The following HECTD4 variants were observed in gnomAD, a reference collection of about 807,000 sequenced individuals.
HECTD4 encodes probable E3 ubiquitin-protein ligase HECTD4.
HECTD4 carries 114 observed loss-of-function variants against 471.5 expected under a neutral mutation model. The observed-to-expected ratio is 0.24, with a 90% CI of 0.21 to 0.28. The LOEUF (loss-of-function observed/expected upper bound fraction) is 0.28, where lower values mean the gene tolerates loss of function less well. Among genes scored for constraint, HECTD4 ranks in the 10% least tolerant of loss-of-function variants. HECTD4 has a pLI of 1.00. For synonymous variants in HECTD4, 2,012 were observed against 2,256.0 expected (o/e 0.89, Z 3.07); for missense variants, 3,866 against 5,651.5 (o/e 0.68, Z 10.13).
chr12:112,366,565 C>A (rs923647511), intron 1 of HECTD4, among the ~76,000 whole-genome samples: 1 of 150,590 alleles, frequency 6.6e-6, no homozygotes, highest in Non-Finnish European at 1.5e-5. Context: ...TGTTGCTGGG[C>A]GCAACATTCT....
At chr12:112,252,678 CCT>C in intron 22 of HECTD4, 150 bp from the exon 23 acceptor site, 1 of 918,422 alleles carries the variant, frequency 1.1e-6, no homozygotes, top group South Asian at 1.7e-5. Flanking sequence ...AATTCTATTC[CCT>C]CTCATTTAGA....
chr12:112,356,145 G>C (rs759101516), intron 1 of HECTD4, among the ~76,000 whole-genome samples: 3 of 152,020 alleles, frequency 2.0e-5, no homozygotes, highest in Non-Finnish European at 2.9e-5. Flanking sequence ...GAAGCTAATA[G>C]CCTTTGAAGG....
At chr12:112,291,235 T>A (rs1327808861) in intron 7 of HECTD4, among the ~76,000 whole-genome samples, 2 of 152,144 alleles carry the variant, frequency 1.3e-5, no homozygotes, top group Non-Finnish European at 2.9e-5. Flanking sequence ...TTACTATCAC[T>A]CTAGATACAA....
In HECTD4 at chr12:112,217,177, T is replaced by C; in HGVS notation, c.7093A>G (p.Ser2365Gly). The stretch of plus-strand genomic sequence containing the variant: ...ACAGGCGGAAACACTCGCGAGGGGC[T>C]CCAAGTAATCTCTTTGGGCTGCATC... The part of the protein sequence containing the change: ...DRRQPKEITW[S>G]PSRVFPPVRA... Residue 2365 changes from serine (S) to glycine (G), a missense_variant, in exon 46 of 76, where the codon AGC becomes GGC. Transcript: ENST00000682272. The C allele has an allele frequency of 6.6e-7, 1 of 1,521,634 alleles. No individual in the cohort carries two copies. Among genetic ancestry groups the C allele is most frequent in the Non-Finnish European group, 8.8e-7 (1 of 1,134,928 alleles). The allele number at this position is 1,521,634 out of a possible 1,614,324, so 94.3% of individuals were successfully genotyped here.
chr12:112,194,304 C>T lies in HECTD4; in HGVS notation c.8749+581G>A, dbSNP rs536481675. ...AGCTTTGAGGGGTGTCCCCTGCCTG[C>T]CTCACTTCTTGTTCCCATCTTAGTT... On this transcript the variant is annotated intron_variant, in intron 56 of 75. Transcript: ENST00000682272. The surrounding 1 kb of genome is among the most constrained non-coding windows in gnomAD (Gnocchi z 4.6). Among the ~76,000 whole-genome samples the T allele has an allele frequency of 6.6e-6, 1 of 152,326 alleles. No individual in the cohort carries two copies. Among genetic ancestry groups the T allele is most frequent in the East Asian group, 1.9e-4 (1 of 5,184 alleles).
At position 112,212,599 on chromosome 12, in the gene HECTD4, G is replaced by A; in HGVS notation, c.7517C>T (p.Pro2506Leu). 3 of 1,613,788 alleles carry A rather than the reference G, an allele frequency of 1.9e-6. No individual in the cohort carries two copies. Among genetic ancestry groups the A allele is most frequent in the African/African-American group, 1.3e-5 (1 of 75,030 alleles). Residue 2506 changes from proline to leucine, a missense_variant, in exon 49 of 76, where the codon CCG becomes CTG. Around this residue, in one of 16 missense-constraint regions of HECTD4, gnomAD observed 617 missense variants for 915.1 expected, o/e 0.67. Coordinates refer to ENST00000682272, the MANE Select transcript of HECTD4 (RefSeq NM_001388303.1). ...CACCCGGCCCTTGGCTGGCTGTCCC[G>A]GAGGAGGTGGAGTCCCCTCAGTTCT... ...WERTEGTPPP[P>L]GQPAKGRVYF...
At chr12:112,270,562 A>G (rs1451942691) in intron 11 of HECTD4, 103 bp from the exon 12 acceptor site, 17 of 938,662 alleles carry the variant, frequency 1.8e-5, no homozygotes, top group Non-Finnish European at 2.5e-5. Context: ...CTAGAAAAGG[A>G]TATTTTGGCT....
At chr12:112,287,639 T>C (rs561250838) in intron 7 of HECTD4, among the ~76,000 whole-genome samples, 6 of 152,146 alleles carry the variant, frequency 3.9e-5, no homozygotes, top group East Asian at 1.9e-4. Context: ...AAAAGAGTTA[T>C]AGGCTGGGTG....
At chr12:112,261,189 C>T in intron 18 of HECTD4, 116 bp downstream of exon 18, 1 of 1,169,810 alleles carries the variant, frequency 8.5e-7, no homozygotes, top group Non-Finnish European at 1.1e-6. Flanking sequence ...AGCCTATTCT[C>T]ACAAAAATCT....
chr12:112,250,929 C>A (rs753911220), intron 24 of HECTD4, 42 bp downstream of exon 24: 6 of 1,546,314 alleles, frequency 3.9e-6, no homozygotes, highest in Admixed American at 2.2e-5. Context: ...AGTCCTTTTT[C>A]CTTTGCAGGC....
At chr12:112,379,565 A>G (rs949259350) in intron 1 of HECTD4, among the ~76,000 whole-genome samples, 11 of 152,030 alleles carry the variant, frequency 7.2e-5, no homozygotes, top group African/African-American at 2.7e-4. Context: ...ATGGTGGTGT[A>G]TGCCTGTAAT....
intron 47 of HECTD4, 23 bp from the exon 48 acceptor site, chr12:112,216,394 A>G (rs2032917593): frequency 6.6e-7 from 1 of 1,507,090 alleles, no homozygotes; most frequent in Non-Finnish European, 9.0e-7. Flanking sequence ...CAAAGAAGGG[A>G]GGTCAAAGAC....
intron 55 of HECTD4, among the ~76,000 whole-genome samples, chr12:112,198,680 T>G (rs1431899035): frequency 1.3e-5 from 2 of 152,026 alleles, no homozygotes; most frequent in Non-Finnish European, 2.9e-5. Context: ...GCAGAGGAGA[T>G]TTCAGGGAAA....
Position 112,382,389 on chromosome 12 carries a change from C to A in HECTD4, c.-261G>T. On this transcript the variant is annotated 5_prime_UTR_variant, in exon 1 of 76. Coordinates refer to ENST00000682272, the MANE Select transcript of HECTD4 (RefSeq NM_001388303.1). ...AGGAGCAGGATCCGCCTCTGCCGCT[C>A]GGCAACCAACTGTCAGTGAGACGCC... is the stretch of plus-strand genomic sequence containing the variant. The A allele has an allele frequency of 2.9e-6, 1 of 339,482 alleles. No individual in the cohort carries two copies. Among genetic ancestry groups the A allele is most frequent in the East Asian group, 6.7e-5 (1 of 14,890 alleles). The allele number at this position is 339,482 out of a possible 1,614,324, so 21.0% of individuals were successfully genotyped here. A position where few individuals can be genotyped will look rare whatever the true frequency, so the allele number is the denominator to read the frequency against.
chr12:112,198,238 C>T (rs1027113512), intron 55 of HECTD4, among the ~76,000 whole-genome samples: 3 of 152,214 alleles, frequency 2.0e-5, no homozygotes, highest in Non-Finnish European at 4.4e-5. Context: ...AGCGCATGGA[C>T]AGTCACCTTA....
chr12:112,297,474 T>C (rs1165273851), intron 7 of HECTD4, among the ~76,000 whole-genome samples: 4 of 151,936 alleles, frequency 2.6e-5, no homozygotes, highest in Admixed American at 2.0e-4. Flanking sequence ...AGCACCTCTA[T>C]AGAAGTAATG....
chr12:112,314,550 A>C lies in HECTD4; in HGVS notation c.696-4T>G. ...GACGAAAGTTTTCAATGATCCCCTA[A>C]AAATAAAAGGAAGGAACAGTAAATC... On this transcript the variant is annotated splice_region_variant and splice_polypyrimidine_tract_variant and intron_variant, in intron 2 of 75. Transcript: ENST00000682272. 1 of 1,448,968 alleles carries C rather than the reference A, an allele frequency of 6.9e-7. No individual in the cohort carries two copies. Among genetic ancestry groups the C allele is most frequent in the Non-Finnish European group, 9.4e-7 (1 of 1,067,654 alleles). 89.8% of individuals were successfully genotyped at this position (1,448,968 alleles called of 1,614,324 possible). A position where few individuals can be genotyped will look rare whatever the true frequency, so the allele number is the denominator to read the frequency against.
chr12:112,378,554 T>G (rs2036827486), intron 1 of HECTD4, among the ~76,000 whole-genome samples: 2 of 152,072 alleles, frequency 1.3e-5, no homozygotes. Context: ...TGCACTCTTC[T>G]GCAGTAAGGT....
intron 14 of HECTD4, among the ~76,000 whole-genome samples, chr12:112,266,401 A>G (rs1411322028): frequency 6.6e-6 from 1 of 152,290 alleles, no homozygotes; most frequent in Non-Finnish European, 1.5e-5. Flanking sequence ...GTGGAGACAG[A>G]AAGTTTATAA....
Sources: allele counts gnomAD v4.1 joint callset (sites outside exome capture counted in the v4.1 genomes callset), GRCh38; gene constraint gnomAD v4.1.1; regional missense constraint gnomAD v4.1.1; non-coding constraint Gnocchi (gnomAD v3.1); transcripts MANE v1.5; gene names NCBI Gene and HGNC (gene_info 2026-07-23, HGNC 2026-07-21).